The following ZNF169 variants were observed in gnomAD, a reference collection of about 807,000 sequenced individuals.
The protein encoded by ZNF169 is zinc finger protein 169.
ZNF169 carries 11 observed loss-of-function variants against 12.0 expected under a neutral mutation model. That is an observed-to-expected ratio of 0.92 (90% confidence interval 0.58 to 1.52). The LOEUF (loss-of-function observed/expected upper bound fraction) is 1.52. Among genes scored for constraint, ZNF169 ranks in the 40% most tolerant of loss-of-function variants. The probability of loss-of-function intolerance (pLI) is 0.00; values close to 1 mark genes in which losing one functional copy is unlikely to be tolerated. For synonymous variants in ZNF169, 302 were observed against 286.5 expected (o/e 1.05, Z -0.55); for missense variants, 722 against 744.0 (o/e 0.97, Z 0.34).
intron 2 of ZNF169, among the ~76,000 whole-genome samples, chr9:94,285,684 A>G (rs1200500089): frequency 1.3e-5 from 2 of 152,118 alleles, no homozygotes; most frequent in South Asian, 2.1e-4. Flanking sequence ...ATAGGGGAAA[A>G]CAATTAGAAT....
intron 1 of ZNF169, among the ~76,000 whole-genome samples, chr9:94,273,732 A>C (rs1830470317): frequency 6.6e-6 from 1 of 151,902 alleles, no homozygotes; most frequent in African/African-American, 2.4e-5. Flanking sequence ...GGCACCTGCC[A>C]CCAGGCCCAG....
At chr9:94,264,183 C>G (rs1365406256) in intron 1 of ZNF169, among the ~76,000 whole-genome samples, 1 of 152,188 alleles carries the variant, frequency 6.6e-6, no homozygotes, top group Middle Eastern at 3.2e-3. Context: ...GTTGCCCAGT[C>G]TGGAGTGCAG....
intron 3 of ZNF169, 163 bp downstream of exon 3, chr9:94,292,630 T>C (rs1830866812): frequency 1.6e-5 from 14 of 852,570 alleles, no homozygotes; most frequent in South Asian, 3.6e-5. Flanking sequence ...TGTGTGTGTG[T>C]GTGTGTGTGT....
At chr9:94,292,571 T>C in intron 3 of ZNF169, 104 bp downstream of exon 3, 1 of 1,476,754 alleles carries the variant, frequency 6.8e-7, no homozygotes, top group Non-Finnish European at 9.1e-7. Context: ...TTTTTTCCCC[T>C]ATTCCCCCAG....
chr9:94,292,870 A>T, intron 3 of ZNF169, 104 bp from the exon 4 acceptor site: 1 of 968,198 alleles, frequency 1.0e-6, no homozygotes, highest in Non-Finnish European at 1.6e-6. Context: ...GCACCTCCCT[A>T]CCACCTTCTG....
At position 94,300,735 on chromosome 9, in the gene ZNF169, C is replaced by T. The variant is rs1831051707; in HGVS notation, c.1177C>T (p.Gln393Ter). The part of the protein sequence containing the change: ...FRQQSLLLSH[Q>*]VTHSGEKPYV... ...GCAGCAGTCACTCCTCCTTAGTCACCAGGTCACACACTCAGGAGAGAAGCC... is the reference window on the plus strand; with the variant it reads ...GCAGCAGTCACTCCTCCTTAGTCACTAGGTCACACACTCAGGAGAGAAGCC... Residue 393 changes from glutamine to a stop codon, truncating the protein, a stop_gained, in exon 5 of 5, where the codon CAG (glutamine) becomes TAG (stop). Coordinates refer to ENST00000395395, the MANE Select transcript of ZNF169 (RefSeq NM_194320.4). LOFTEE classifies it low-confidence loss of function (END_TRUNC). 5.0e-6 allele frequency: 8 copies of T among 1,613,640 alleles called. No individual in the cohort carries two copies. The highest frequency in any genetic ancestry group is 6.8e-6 in the Non-Finnish European group (8 of 1,179,770).
At chr9:94,263,279 CA>C (rs1256793913) in intron 1 of ZNF169, among the ~76,000 whole-genome samples, 1 of 152,162 alleles carries the variant, frequency 6.6e-6, no homozygotes, top group Non-Finnish European at 1.5e-5. Context: ...AAGGTGCATA[CA>C]TATTTATCTT....
In ZNF169 at chr9:94,301,288, G is replaced by A. The variant is rs763324684; in HGVS notation, c.1730G>A (p.Arg577His). The stretch of plus-strand genomic sequence containing the variant: ...CCGTATGTCTGCAGGGAGTGTGGGC[G>A]TGGCTTTAGCCAGAAGTCTCACTTG... ...EKPYVCRECG[R>H]GFSQKSHLHR... The change falls in exon 5 of 5, where the codon CGT becomes CAT. Residue 577 changes from arginine to histidine, a missense_variant. Coordinates refer to ENST00000395395, the MANE Select transcript of ZNF169 (RefSeq NM_194320.4). The A allele has an allele frequency of 1.4e-5, 22 of 1,614,116 alleles. No homozygotes were observed. Among genetic ancestry groups the A allele is most frequent in the South Asian group, 6.6e-5 (6 of 91,094 alleles).
intron 2 of ZNF169, among the ~76,000 whole-genome samples, 186 bp downstream of exon 2, chr9:94,279,031 C>G (rs1830572127): frequency 6.6e-6 from 1 of 152,148 alleles, no homozygotes; most frequent in Non-Finnish European, 1.5e-5. Context: ...AAGTAGTTAA[C>G]TGTGACCATC....
At chr9:94,286,485 G>T (rs943526161) in intron 2 of ZNF169, among the ~76,000 whole-genome samples, 1 of 152,094 alleles carries the variant, frequency 6.6e-6, no homozygotes, top group Non-Finnish European at 1.5e-5. Context: ...TCTCAATATT[G>T]GGGGAGGGTC....
chr9:94,300,344 C>T lies in ZNF169; in HGVS notation c.786C>T (p.Tyr262=). ...GGACACACACCGGGGAGAAGCCATA[C>T]CTGTGTCCTGAGTGTGGGCGTCGGT... ...HQRTHTGEKP[Y]LCPECGRRFS... The change falls in exon 5 of 5, where the codon TAC becomes TAT. Residue 262 remains tyrosine (Y), a synonymous_variant. Coordinates refer to ENST00000395395, the MANE Select transcript of ZNF169 (RefSeq NM_194320.4). 1.2e-6 allele frequency: 2 copies of T among 1,614,028 alleles called. No homozygotes were observed. Among genetic ancestry groups the T allele is most frequent in the Non-Finnish European group, 1.7e-6 (2 of 1,179,988 alleles).
chr9:94,264,003 A>T (rs1015054446), intron 1 of ZNF169, among the ~76,000 whole-genome samples: 2 of 152,168 alleles, frequency 1.3e-5, no homozygotes, highest in African/African-American at 4.8e-5. Flanking sequence ...TTCATGTAAA[A>T]TGAGGGCTCT....
chr9:94,273,720 C>T (rs1262014777), intron 1 of ZNF169, among the ~76,000 whole-genome samples: 2 of 151,790 alleles, frequency 1.3e-5, no homozygotes, highest in Non-Finnish European at 2.9e-5. Context: ...GCTGGGACTA[C>T]AGGCACCTGC....
rs142328224 is a variant in ZNF169, at chr9:94,273,570, T to A, written c.-55-5188T>A. ...GTACATTCATTTAAAGCTATAACTT[T>A]CTTTCTTTCTTTTTTTTTTTTTTTT... On this transcript the variant is annotated intron_variant, in intron 1 of 4. Transcript: ENST00000395395. 2.4e-3 allele frequency among the ~76,000 whole-genome samples: 305 copies of A among 126,460 alleles called. 1 individual carries two copies. The highest frequency in any genetic ancestry group is 3.9e-3 in the Non-Finnish European group (232 of 59,812). The allele number at this position is 126,460 out of a possible 152,430, so 83.0% of individuals were successfully genotyped here. A position where few individuals can be genotyped will look rare whatever the true frequency, so the allele number is the denominator to read the frequency against.
At chr9:94,266,692 T>C (rs774626707) in intron 1 of ZNF169, among the ~76,000 whole-genome samples, 2 of 152,156 alleles carry the variant, frequency 1.3e-5, no homozygotes, top group Admixed American at 6.5e-5. Context: ...ACAGAAAAAT[T>C]AGAATTTAAT....
intron 1 of ZNF169, among the ~76,000 whole-genome samples, chr9:94,274,499 T>G (rs563371098): frequency 1.3e-5 from 2 of 152,358 alleles, no homozygotes; most frequent in African/African-American, 4.8e-5. Context: ...GATTTCTGCT[T>G]TGGTTCCATC....
intron 1 of ZNF169, among the ~76,000 whole-genome samples, chr9:94,261,766 A>T (rs1421014118): frequency 1.3e-5 from 2 of 152,204 alleles, no homozygotes; most frequent in African/African-American, 4.8e-5. Flanking sequence ...CTTGTGTATG[A>T]CACTTCTCTG....
At chr9:94,283,530 T>C (rs922231007) in intron 2 of ZNF169, among the ~76,000 whole-genome samples, 5 of 152,194 alleles carry the variant, frequency 3.3e-5, no homozygotes, top group African/African-American at 4.8e-5. Flanking sequence ...TTGTCAAAAC[T>C]GGAAGACTTG....
chr9:94,276,268 CT>C (rs889880738), intron 1 of ZNF169, among the ~76,000 whole-genome samples: 1 of 151,790 alleles, frequency 6.6e-6, no homozygotes, highest in Non-Finnish European at 1.5e-5. Flanking sequence ...ATTGGGGTCT[CT>C]TTTTTTTGTT....
Sources: allele counts gnomAD v4.1 joint callset (sites outside exome capture counted in the v4.1 genomes callset), GRCh38; gene constraint gnomAD v4.1.1; transcripts MANE v1.5; gene names NCBI Gene and HGNC (gene_info 2026-07-23, HGNC 2026-07-21).